Variants in AFTPH observed in about 807,000 individuals in gnomAD.
AFTPH encodes aftiphilin, also known as aftiphilin protein.
In AFTPH, 7 loss-of-function variants were observed where a neutral mutation model predicts 72.5. That is an observed-to-expected ratio of 0.10 (90% CI 0.05 to 0.18). The LOEUF (loss-of-function observed/expected upper bound fraction) is 0.18, where lower values mean the gene tolerates loss of function less well. AFTPH is among the 10% of genes least tolerant of loss of function. The pLI is 1.00. For missense variants in AFTPH, 979 were observed against 1,060.5 expected (o/e 0.92, Z 1.07); for synonymous variants, 337 against 370.1 (o/e 0.91, Z 1.03).
chr2:64,549,448 G>A (rs1191931503), intron 1 of AFTPH, among the ~76,000 whole-genome samples: 1 of 145,916 alleles, frequency 6.9e-6, no homozygotes, highest in Non-Finnish European at 1.5e-5. Flanking sequence ...AGCTTCCTAA[G>A]TAGCTGATAT....
chr2:64,551,642 G>A, exon 2 of AFTPH: 1 of 1,614,012 alleles, frequency 6.2e-7, no homozygotes, highest in Non-Finnish European at 8.5e-7. Flanking sequence ...CTCGTCCCAA[G>A]GAAGAGTTTG....
chr2:64,528,603 T>C (rs1669422416), intron 1 of AFTPH, among the ~76,000 whole-genome samples: 1 of 152,064 alleles, frequency 6.6e-6, no homozygotes, highest in Non-Finnish European at 1.5e-5. Flanking sequence ...GCTTGCTGTT[T>C]TATATAGAGT....
At chr2:64,581,361 T>C in intron 7 of AFTPH, 88 bp downstream of exon 8, 2 of 1,047,054 alleles carry the variant, frequency 1.9e-6, no homozygotes, top group Non-Finnish European at 2.7e-6. Flanking sequence ...AGGAAACAAG[T>C]AGATTGTATT....
chr2:64,581,049 GTTGA>G (rs1673167390), intron 7 of AFTPH, 137 bp from the exon 8 acceptor site: 2 of 569,254 alleles, frequency 3.5e-6, no homozygotes, highest in South Asian at 2.2e-5. Context: ...TTGTTTTAAT[GTTGA>G]TTTTTAAAAT....
At chr2:64,545,053 TTGTATTTGCATTAA>T (rs1425781462) in intron 1 of AFTPH, among the ~76,000 whole-genome samples, 9 of 152,286 alleles carry the variant, frequency 5.9e-5, no homozygotes, top group Admixed American at 3.3e-4. Flanking sequence ...ATTCAGATCT[TTGTATTTGCATTAA>T]TGTCTGAGTT....
chr2:64,570,928 C>G (rs1447850514), intron 5 of AFTPH, among the ~76,000 whole-genome samples: 3 of 123,830 alleles, frequency 2.4e-5, no homozygotes, highest in African/African-American at 6.1e-5. Flanking sequence ...CCCCCCCCCC[C>G]ACCTTTTTTC....
chr2:64,578,071 C>T (rs1052168051), intron 6 of AFTPH, among the ~76,000 whole-genome samples: 1 of 152,120 alleles, frequency 6.6e-6, no homozygotes, highest in Non-Finnish European at 1.5e-5. Flanking sequence ...TAGTATTTTA[C>T]TTGGTTTATA....
intron 8 of AFTPH, among the ~76,000 whole-genome samples, chr2:64,590,379 T>C (rs2104272610): frequency 6.6e-6 from 1 of 152,314 alleles, no homozygotes; most frequent in East Asian, 1.9e-4. Context: ...AGGGTAAATA[T>C]TTTGGCTAGA....
In AFTPH at chr2:64,551,763, T is replaced by C; in HGVS notation, c.289T>C (p.Ser97Pro). The C allele has an allele frequency of 1.2e-6, 2 of 1,613,716 alleles. No homozygotes were observed. The highest frequency in any genetic ancestry group is 1.7e-6 in the Non-Finnish European group (2 of 1,179,598). Residue 97 changes from serine to proline, a missense_variant, in exon 2 of 9, where the codon TCT becomes CCT. Transcript: ENST00000238856. The stretch of plus-strand genomic sequence containing the variant: ...TGATAAGGACATCACTGCTGAACTT[T>C]CTGCTCCTGTGAAAGGACAGTCTGA...
At chr2:64,528,454 A>G (rs559894152) in intron 1 of AFTPH, among the ~76,000 whole-genome samples, 1 of 152,378 alleles carries the variant, frequency 6.6e-6, no homozygotes, top group East Asian at 1.9e-4. Context: ...ATTTGGGACA[A>G]ATAAGCAAAT....
chr2:64,577,534 C>T (rs1329929900), intron 6 of AFTPH, among the ~76,000 whole-genome samples: 1 of 152,196 alleles, frequency 6.6e-6, no homozygotes, highest in Non-Finnish European at 1.5e-5. Context: ...GAACTTGCTC[C>T]ATTTATTCAG....
intron 1 of AFTPH, among the ~76,000 whole-genome samples, chr2:64,538,550 A>G (rs956926135): frequency 2.6e-5 from 4 of 152,328 alleles, no homozygotes; most frequent in Admixed American, 1.3e-4. Flanking sequence ...GAAAAATATC[A>G]TGTGTGCTAT....
chr2:64,529,945 G>C (rs1367808232), intron 1 of AFTPH, among the ~76,000 whole-genome samples: 1 of 152,136 alleles, frequency 6.6e-6, no homozygotes, highest in Admixed American at 6.5e-5. Flanking sequence ...CTTGAGGTTT[G>C]GAGTTGGAGA....
chr2:64,530,374 A>G (rs1669559098), intron 1 of AFTPH, among the ~76,000 whole-genome samples: 1 of 152,198 alleles, frequency 6.6e-6, no homozygotes, highest in Non-Finnish European at 1.5e-5. Context: ...TCCCCTGGCA[A>G]CTGATTTACC....
chr2:64,565,332 G>T (rs1182899435), intron 2 of AFTPH, among the ~76,000 whole-genome samples: 2 of 151,796 alleles, frequency 1.3e-5, no homozygotes, highest in Non-Finnish European at 2.9e-5. Context: ...AAAATTAGCT[G>T]GGCGCGGTGG....
chr2:64,525,895 A>G (rs1184909095), intron 1 of AFTPH, among the ~76,000 whole-genome samples: 2 of 152,248 alleles, frequency 1.3e-5, no homozygotes, highest in South Asian at 4.1e-4. Flanking sequence ...ATTAAAAGAC[A>G]GATCTTGTGT....
intron 1 of AFTPH, among the ~76,000 whole-genome samples, chr2:64,535,616 A>C (rs1245942314): frequency 3.9e-5 from 6 of 152,234 alleles, no homozygotes; most frequent in Non-Finnish European, 8.8e-5. Context: ...TGTATGAATA[A>C]GTACCTTGCA....
At chr2:64,568,009 C>A (rs185000964) in intron 3 of AFTPH, among the ~76,000 whole-genome samples, 22 of 151,910 alleles carry the variant, frequency 1.4e-4, no homozygotes, top group African/African-American at 4.8e-4. Flanking sequence ...TCACTGCACT[C>A]CAGCCTCAGT....
rs1158501695 is a variant in AFTPH, at chr2:64,592,095, A to G, written c.*60A>G. ...TTTTTTCCATCCCTTCCCTACCATCAAAAGCATACCTGCTCTAATTAAAAA... is the reference window on the plus strand; with the variant it reads ...TTTTTTCCATCCCTTCCCTACCATCGAAAGCATACCTGCTCTAATTAAAAA... On this transcript the variant is annotated 3_prime_UTR_variant, in exon 9 of 9. Transcript: ENST00000238856. 3.3e-6 allele frequency: 5 copies of G among 1,517,170 alleles called. No homozygotes were observed. In the Admixed American group the frequency reaches 7.1e-5, roughly 21 times the overall value. 94.0% of individuals were successfully genotyped at this position (1,517,170 alleles called of 1,614,324 possible). A position where few individuals can be genotyped will look rare whatever the true frequency, so the allele number is the denominator to read the frequency against.
Sources: gnomAD v4.1 joint callset for allele counts (sites outside exome capture counted in the v4.1 genomes callset) on GRCh38, gnomAD v4.1.1 for gene constraint, MANE v1.5 for transcripts, NCBI Gene and HGNC (gene_info 2026-07-23, HGNC 2026-07-21) for gene names.